The following TMEM65 variants were observed in gnomAD, a reference collection of about 807,000 sequenced individuals.
TMEM65 encodes transmembrane protein 65.
Under a neutral mutation model 25.4 loss-of-function variants are expected in TMEM65, and 22 were observed. That is an observed-to-expected ratio of 0.86 (90% CI 0.62 to 1.23). The LOEUF (loss-of-function observed/expected upper bound fraction) is 1.23. TMEM65 is among the 50% of genes most tolerant of loss of function. TMEM65 has a pLI of 0.00. For missense variants in TMEM65, 262 were observed against 308.2 expected (o/e 0.85, Z 1.12); for synonymous variants, 132 against 126.2 (o/e 1.05, Z -0.31).
intron 1 of TMEM65, among the ~76,000 whole-genome samples, chr8:124,351,431 T>C (rs1451476916): frequency 6.6e-6 from 1 of 152,194 alleles, no homozygotes; most frequent in Non-Finnish European, 1.5e-5. Context: ...AATGTTTATT[T>C]AGTATACTTT....
intron 1 of TMEM65, among the ~76,000 whole-genome samples, chr8:124,344,703 T>C (rs181167176): frequency 2.6e-5 from 4 of 152,218 alleles, no homozygotes; most frequent in East Asian, 1.9e-4. Flanking sequence ...ATTGGTTCAA[T>C]TGACAGGAGC....
At chr8:124,352,773 T>A (rs564218050) in intron 1 of TMEM65, among the ~76,000 whole-genome samples, 1 of 151,964 alleles carries the variant, frequency 6.6e-6, no homozygotes, top group Non-Finnish European at 1.5e-5. Flanking sequence ...GAACAGCGTT[T>A]TAGAGCTCAA....
chr8:124,327,574 A>G (rs1291609384), intron 2 of TMEM65, among the ~76,000 whole-genome samples, 153 bp from the exon 3 acceptor site: 3 of 152,082 alleles, frequency 2.0e-5, no homozygotes, highest in Admixed American at 6.6e-5. Flanking sequence ...TGCTACTGCT[A>G]TAAGTAGAAA....
intron 2 of TMEM65, among the ~76,000 whole-genome samples, chr8:124,328,953 G>A (rs1814399180): frequency 1.3e-5 from 2 of 151,818 alleles, no homozygotes; most frequent in South Asian, 4.2e-4. Context: ...CACTATAAAT[G>A]ACTAAGACCA....
At chr8:124,316,557 A>G (rs1814240231) in intron 6 of TMEM65, among the ~76,000 whole-genome samples, 1 of 152,188 alleles carries the variant, frequency 6.6e-6, no homozygotes, top group South Asian at 2.1e-4. Context: ...GAACAGAATC[A>G]CTGTTGCCAT....
At chr8:124,359,146 T>A (rs1586472953) in intron 1 of TMEM65, among the ~76,000 whole-genome samples, 1 of 152,320 alleles carries the variant, frequency 6.6e-6, no homozygotes, top group East Asian at 1.9e-4. Flanking sequence ...TCTACCCCAT[T>A]TGTTTCTTTT....
intron 5 of TMEM65, among the ~76,000 whole-genome samples, 159 bp downstream of exon 5, chr8:124,321,946 T>C (rs1330349925): frequency 6.6e-6 from 1 of 152,118 alleles, no homozygotes; most frequent in Non-Finnish European, 1.5e-5. Flanking sequence ...ATACCAAAGA[T>C]TTAGTACTAT....
chr8:124,355,998 T>G (rs577480551), intron 1 of TMEM65, among the ~76,000 whole-genome samples: 1 of 152,240 alleles, frequency 6.6e-6, no homozygotes, highest in East Asian at 1.9e-4. Flanking sequence ...AAGAAAGCCC[T>G]AAGAAAGTGC....
At chr8:124,360,429 CAA>C (rs55829098) in intron 1 of TMEM65, among the ~76,000 whole-genome samples, 24 of 70,628 alleles carry the variant, frequency 3.4e-4, no homozygotes, top group African/African-American at 5.0e-4. Context: ...GACTCTGTCA[CAA>C]AAAAAAAAAA....
intron 2 of TMEM65, 86 bp from the exon 3 acceptor site, chr8:124,327,507 T>C (rs1814379627): frequency 7.4e-6 from 6 of 809,160 alleles, no homozygotes; most frequent in Admixed American, 3.4e-5. Context: ...CAAAGTATCC[T>C]AAACAGACTT....
chr8:124,316,464 A>T (rs1172903777), intron 6 of TMEM65, among the ~76,000 whole-genome samples: 1 of 152,162 alleles, frequency 6.6e-6, no homozygotes, highest in Non-Finnish European at 1.5e-5. Flanking sequence ...CTAACTTCAA[A>T]TACTTCAGGC....
intron 6 of TMEM65, among the ~76,000 whole-genome samples, chr8:124,315,528 A>G (rs1481213543): frequency 6.6e-6 from 1 of 151,900 alleles, no homozygotes; most frequent in Non-Finnish European, 1.5e-5. Flanking sequence ...TCACTGTATT[A>G]GCCAGGATGG....
At chr8:124,325,916 A>G (rs1431980839) in intron 3 of TMEM65, among the ~76,000 whole-genome samples, 2 of 152,144 alleles carry the variant, frequency 1.3e-5, no homozygotes, top group African/African-American at 4.8e-5. Flanking sequence ...CCTACTTTGA[A>G]ACCAAATCTT....
At position 124,323,339 on chromosome 8, in the gene TMEM65, C is replaced by A; in HGVS notation, c.454G>T (p.Gly152Ter). ...TAAATACCTGCCATAGTTGAAATTC[C>A]CAAAATAATTCCAATAGACATTTCA... ...HIEMSIGIIL[G>*]ISTMAAAALG... The change falls in exon 4 of 7, where the codon GGA becomes TGA. Residue 152 changes from glycine to a stop codon, truncating the protein, a stop_gained. Transcript: ENST00000297632. LOFTEE classifies it high-confidence loss of function. 6.7e-7 allele frequency: 1 copy of A among 1,494,002 alleles called. No homozygotes were observed. Among genetic ancestry groups the A allele is most frequent in the East Asian group, 2.4e-5 (1 of 41,458 alleles). The allele number at this position is 1,494,002 out of a possible 1,614,324, so 92.5% of individuals were successfully genotyped here.
rs1310543979 is a variant in TMEM65 at position 124,310,063 on chromosome 8, CA to C, written c.*3896del. 1 of 152,138 alleles carries C rather than the reference CA, an allele frequency of 6.6e-6. No homozygotes were observed. The highest frequency in any genetic ancestry group is 1.5e-5 in the Non-Finnish European group (1 of 68,136). The allele number at this position is 152,138 out of a possible 1,614,324, so 9.4% of individuals were successfully genotyped here. A position where few individuals can be genotyped will look rare whatever the true frequency, so the allele number is the denominator to read the frequency against. The stretch of plus-strand genomic sequence containing the variant: ...ATCCCAGCTACTCAGGAGGCTGAGG[CA>C]GGAGAATCACTTGAACCCAGGAAGC... On this transcript the variant is annotated 3_prime_UTR_variant, in exon 7 of 7. Coordinates refer to ENST00000297632, the MANE Select transcript of TMEM65 (RefSeq NM_194291.3).
intron 3 of TMEM65, 48 bp from the exon 4 acceptor site, chr8:124,323,423 T>G: frequency 1.0e-5 from 10 of 998,172 alleles, no homozygotes; most frequent in Non-Finnish European, 1.5e-5. Flanking sequence ...CTGAAGTGAC[T>G]ATAAAAGAAT....
intron 2 of TMEM65, among the ~76,000 whole-genome samples, chr8:124,327,671 AACACACACACACACACACAC>A (rs71289656): frequency 2.7e-5 from 4 of 148,612 alleles, no homozygotes; most frequent in Admixed American, 2.0e-4. Context: ...TCTTACTGGT[AACACACACACACACACACAC>A]ACACACACAC....
intron 1 of TMEM65, among the ~76,000 whole-genome samples, chr8:124,347,718 G>T (rs1814655188): frequency 1.3e-5 from 2 of 152,124 alleles, no homozygotes; most frequent in Admixed American, 1.3e-4. Flanking sequence ...TTCCAGACTG[G>T]TTGAGACCAG....
rs1814103628 is a variant in TMEM65, at chr8:124,307,386, T to G, written c.*6574A>C. 6.6e-6 allele frequency: 1 copy of G among 152,182 alleles called. No homozygotes were observed. Among genetic ancestry groups the G allele is most frequent in the Non-Finnish European group, 1.5e-5 (1 of 68,028 alleles). The allele number at this position is 152,182 out of a possible 1,614,324, so 9.4% of individuals were successfully genotyped here. On this transcript the variant is annotated 3_prime_UTR_variant, in exon 7 of 7. Coordinates refer to ENST00000297632, the MANE Select transcript of TMEM65 (RefSeq NM_194291.3). ...CAAGAAAAAGTTAAATTGCTTGATG[T>G]GTACTGGTCTGCAGCTGTAGTTGCC...
Sources: allele counts gnomAD v4.1 joint callset (sites outside exome capture counted in the v4.1 genomes callset), GRCh38; gene constraint gnomAD v4.1.1; transcripts MANE v1.5; gene names NCBI Gene and HGNC (gene_info 2026-07-23, HGNC 2026-07-21).